ZHX2: variants seen among roughly 807,000 people sequenced by gnomAD.
The protein encoded by ZHX2 is zinc fingers and homeoboxes 2.
In ZHX2, 6 loss-of-function variants were observed where a neutral mutation model predicts 21.9. The observed-to-expected ratio is 0.27, with a 90% CI of 0.15 to 0.54. The LOEUF (loss-of-function observed/expected upper bound fraction) is 0.54. ZHX2 is among the 20% of genes least tolerant of loss of function. The pLI, the probability that ZHX2 is intolerant of heterozygous loss-of-function variation, is 0.95. For synonymous variants in ZHX2, 434 were observed against 437.1 expected (o/e 0.99, Z 0.09); for missense variants, 908 against 1,090.7 (o/e 0.83, Z 2.36).
At chr8:122,939,888 G>C (rs1763647587) in intron 2 of ZHX2, among the ~76,000 whole-genome samples, 1 of 152,164 alleles carries the variant, frequency 6.6e-6, no homozygotes, top group Non-Finnish European at 1.5e-5. Context: ...GGGTGGAGCA[G>C]TCCTTCTGAA....
chr8:122,945,574 C>G (rs899532742), intron 2 of ZHX2, among the ~76,000 whole-genome samples: 1 of 151,406 alleles, frequency 6.6e-6, no homozygotes, highest in East Asian at 1.9e-4. Flanking sequence ...AAAACTGAGT[C>G]GAGATCAAAA....
intron 1 of ZHX2, among the ~76,000 whole-genome samples, chr8:122,852,486 TAGC>T (rs1390560168): frequency 2.0e-5 from 3 of 151,936 alleles, no homozygotes; most frequent in Non-Finnish European, 4.4e-5. Context: ...TTAAATCACT[TAGC>T]CAAAGTGACA....
intron 1 of ZHX2, among the ~76,000 whole-genome samples, chr8:122,836,287 C>T (rs1214260257): frequency 6.6e-6 from 1 of 152,092 alleles, no homozygotes; most frequent in African/African-American, 2.4e-5. Context: ...AACAGGGCTC[C>T]CGGGAAAACT....
intron 1 of ZHX2, among the ~76,000 whole-genome samples, chr8:122,811,429 C>A (rs1328116696): frequency 6.6e-6 from 1 of 152,090 alleles, no homozygotes; most frequent in Non-Finnish European, 1.5e-5. Flanking sequence ...CTGATAGAAC[C>A]AGACTAGAGA....
chr8:122,790,387 C>G (rs1008296018), intron 1 of ZHX2, among the ~76,000 whole-genome samples: 1 of 152,184 alleles, frequency 6.6e-6, no homozygotes, highest in Non-Finnish European at 1.5e-5. Context: ...CTTCCCTCCC[C>G]GCTTTGATTC....
chr8:122,795,565 G>A (rs1817599534), intron 1 of ZHX2, among the ~76,000 whole-genome samples: 1 of 151,632 alleles, frequency 6.6e-6, no homozygotes. Flanking sequence ...TTTTTTAATA[G>A]AGTCTGAACT....
At chr8:122,811,024 T>G (rs1563738277) in intron 1 of ZHX2, among the ~76,000 whole-genome samples, 1 of 152,206 alleles carries the variant, frequency 6.6e-6, no homozygotes, top group Admixed American at 6.5e-5. Flanking sequence ...CAGAGCCCTG[T>G]TACCTGACCA....
intron 2 of ZHX2, among the ~76,000 whole-genome samples, chr8:122,911,748 G>C (rs751405808): frequency 2.6e-5 from 4 of 152,126 alleles, no homozygotes; most frequent in Non-Finnish European, 4.4e-5. Flanking sequence ...GACCATGGCA[G>C]GAAAAACACA....
chr8:122,858,023 T>C (rs1390633843), intron 1 of ZHX2, among the ~76,000 whole-genome samples: 2 of 152,328 alleles, frequency 1.3e-5, no homozygotes, highest in East Asian at 1.9e-4. Context: ...AGGTGAAATA[T>C]TGCCTGGAAC....
chr8:122,954,100 T>C (rs1444947402), intron 3 of ZHX2, 72 bp downstream of exon 3: 10 of 1,365,096 alleles, frequency 7.3e-6, no homozygotes, highest in Non-Finnish European at 2.9e-6. Flanking sequence ...AGGGTTAATA[T>C]AGATTGTAGG....
intron 2 of ZHX2, among the ~76,000 whole-genome samples, chr8:122,943,104 G>A (rs569604514): frequency 2.6e-5 from 4 of 151,934 alleles, no homozygotes; most frequent in African/African-American, 9.6e-5. Flanking sequence ...TTTACTAAAA[G>A]TACAAAAATT....
In ZHX2 at chr8:122,838,821, C is replaced by T. The variant is rs533263945; in HGVS notation, c.-282-24656C>T. Among the ~76,000 whole-genome samples the T allele has an allele frequency of 4.6e-5, 7 of 152,164 alleles. No individual in the cohort carries two copies. In the East Asian group the frequency reaches 5.8e-4, roughly 13 times the overall value. ...GGAACTCCTGACCGCATGATCTGCCCGCCTTGCCCTCCCAGAGTGCTGGAA... is the reference window on the plus strand; with the variant it reads ...GGAACTCCTGACCGCATGATCTGCCTGCCTTGCCCTCCCAGAGTGCTGGAA... On this transcript the variant is annotated intron_variant, in intron 1 of 3. Coordinates refer to ENST00000314393, the MANE Select transcript of ZHX2 (RefSeq NM_014943.5).
intron 1 of ZHX2, among the ~76,000 whole-genome samples, chr8:122,806,465 A>G (rs567462181): frequency 6.6e-6 from 1 of 152,344 alleles, no homozygotes; most frequent in Non-Finnish European, 1.5e-5. Context: ...AAAACTCATG[A>G]ACGCTGCCCA....
intron 1 of ZHX2, among the ~76,000 whole-genome samples, chr8:122,852,530 A>G (rs1053883333): frequency 3.9e-5 from 6 of 152,068 alleles, no homozygotes; most frequent in Non-Finnish European, 8.8e-5. Context: ...CAGGATGTGA[A>G]CTCAGGCAGT....
intron 2 of ZHX2, among the ~76,000 whole-genome samples, chr8:122,870,114 G>A (rs1264918373): frequency 6.6e-6 from 1 of 152,100 alleles, no homozygotes; most frequent in African/African-American, 2.4e-5. Flanking sequence ...TGGCAGAGGT[G>A]GACAAAGCTT....
chr8:122,894,210 G>A (rs547820218), intron 2 of ZHX2, among the ~76,000 whole-genome samples: 1 of 152,366 alleles, frequency 6.6e-6, no homozygotes, highest in Non-Finnish European at 1.5e-5. Context: ...TATGCACTAG[G>A]TGCTAGGCAA....
chr8:122,845,079 TACAA>T (rs1354641453), intron 1 of ZHX2, among the ~76,000 whole-genome samples: 1 of 152,208 alleles, frequency 6.6e-6, no homozygotes, highest in Non-Finnish European at 1.5e-5. Flanking sequence ...GAACATGGGC[TACAA>T]ACACAGACAG....
intron 2 of ZHX2, among the ~76,000 whole-genome samples, chr8:122,896,691 G>A (rs1300360288): frequency 2.6e-5 from 4 of 152,206 alleles, no homozygotes; most frequent in Non-Finnish European, 4.4e-5. Flanking sequence ...GACACATTAA[G>A]TCACATAGCC....
At chr8:122,832,653 C>T (rs568021178) in intron 1 of ZHX2, among the ~76,000 whole-genome samples, 7 of 152,074 alleles carry the variant, frequency 4.6e-5, no homozygotes, top group South Asian at 2.1e-4. Flanking sequence ...GCAAGTAGAG[C>T]GAAGGAGGGA....
Sources: gnomAD v4.1 joint callset for allele counts (sites outside exome capture counted in the v4.1 genomes callset) on GRCh38, gnomAD v4.1.1 for gene constraint, MANE v1.5 for transcripts, NCBI Gene and HGNC (gene_info 2026-07-23, HGNC 2026-07-21) for gene names.